Variants in CLMN observed in about 807,000 individuals in gnomAD.
CLMN encodes the protein calmin (calponin-like, transmembrane).
Under a neutral mutation model 92.7 loss-of-function variants are expected in CLMN, and 57 were observed. That is an observed-to-expected ratio of 0.61 (90% CI 0.50 to 0.77). CLMN has a LOEUF of 0.77. Ranked by LOEUF, CLMN falls within the 30% of genes least tolerant of loss-of-function variation. The probability of loss-of-function intolerance (pLI) is 0.00; values close to 1 mark genes in which losing one functional copy is unlikely to be tolerated. For synonymous variants in CLMN, 466 were observed against 470.6 expected (o/e 0.99, Z 0.13); for missense variants, 1,158 against 1,237.5 (o/e 0.94, Z 0.96).
At chr14:95,198,096 C>T (rs1487904731) in intron 9 of CLMN, among the ~76,000 whole-genome samples, 2 of 120,392 alleles carry the variant, frequency 1.7e-5, no homozygotes, top group Non-Finnish European at 3.2e-5. Flanking sequence ...GTCTCCTAGG[C>T]TGGAGTGCAG....
chr14:95,297,535 CT>C (rs1253235261), intron 1 of CLMN, among the ~76,000 whole-genome samples: 1 of 152,200 alleles, frequency 6.6e-6, no homozygotes, highest in African/African-American at 2.4e-5. Context: ...CTCCCAGCCC[CT>C]GACAACCACA....
intron 1 of CLMN, among the ~76,000 whole-genome samples, chr14:95,236,097 T>C (rs970258425): frequency 2.0e-5 from 3 of 152,228 alleles, no homozygotes; most frequent in Non-Finnish European, 2.9e-5. Flanking sequence ...CAATAACTTG[T>C]CTCTTCTGTA....
chr14:95,293,628 C>A (rs906441884), intron 1 of CLMN, among the ~76,000 whole-genome samples: 4 of 152,112 alleles, frequency 2.6e-5, no homozygotes, highest in Non-Finnish European at 4.4e-5. Flanking sequence ...CAGACCCCAG[C>A]ACTGGATAAG....
chr14:95,301,496 GAGGGATGCTGGCCTCCAGCC>G (rs72297327), intron 1 of CLMN, among the ~76,000 whole-genome samples: 41,968 of 152,124 alleles, frequency 0.28, 6,552 homozygotes, highest in East Asian at 0.55. Flanking sequence ...CTCACACATT[GAGGGATGCTGGCCTCCAGCC>G]AGCCTAGGCC....
intron 9 of CLMN, among the ~76,000 whole-genome samples, chr14:95,197,304 GAAGA>G (rs1161380264): frequency 6.7e-6 from 1 of 148,230 alleles, no homozygotes; most frequent in Non-Finnish European, 1.5e-5. Flanking sequence ...GGAGGAAGAA[GAAGA>G]AAGAAGAAAG....
At position 95,310,086 on chromosome 14, in the gene CLMN, G is replaced by A. The variant is rs898634610; in HGVS notation, c.82+9625C>T. ...CAAATCTCAGGTTGAAATGTGATCC[G>A]CAGTGCTGGAGGTGGGCCCTGTGCT... On this transcript the variant is annotated intron_variant, in intron 1 of 12. Coordinates refer to ENST00000298912, the MANE Select transcript of CLMN (RefSeq NM_024734.4). Among the ~76,000 whole-genome samples the A allele has an allele frequency of 1.1e-4, 17 of 152,076 alleles. 1 individual carries two copies. The highest frequency in any genetic ancestry group is 1.9e-4 in the East Asian group (1 of 5,188).
chr14:95,193,212 G>C (rs1896603275), intron 12 of CLMN: 2 of 712,646 alleles, frequency 2.8e-6, no homozygotes, highest in Admixed American at 2.4e-5. Context: ...TCTCAGAATT[G>C]TAAGAATTTG....
intron 1 of CLMN, among the ~76,000 whole-genome samples, chr14:95,291,916 A>G (rs1211713920): frequency 6.6e-6 from 1 of 152,260 alleles, no homozygotes; most frequent in African/African-American, 2.4e-5. Flanking sequence ...AAAGTGAAAA[A>G]AAATAGGATC....
chr14:95,274,225 C>T (rs1899832543), intron 1 of CLMN, among the ~76,000 whole-genome samples: 1 of 152,094 alleles, frequency 6.6e-6, no homozygotes, highest in African/African-American at 2.4e-5. Flanking sequence ...TCTCTGCGCA[C>T]CCAGATTCCC....
At position 95,182,097 on chromosome 14, in the gene CLMN, ATT is replaced by A. The variant is rs1460997618; in HGVS notation, c.*9465_*9466del. The A allele has an allele frequency of 2.0e-5, 3 of 152,250 alleles. No individual in the cohort carries two copies. The highest frequency in any genetic ancestry group is 4.8e-5 in the African/African-American group (2 of 41,462). 9.4% of individuals were successfully genotyped at this position (152,250 alleles called of 1,614,324 possible). A position where few individuals can be genotyped will look rare whatever the true frequency, so the allele number is the denominator to read the frequency against. On this transcript the variant is annotated 3_prime_UTR_variant, in exon 13 of 13. Coordinates refer to ENST00000298912, the MANE Select transcript of CLMN (RefSeq NM_024734.4). ...ACAGGTATAAATTATTCAAATAGCC[ATT>A]TATATCTTAATTTACAGTAATCAAT... is the stretch of plus-strand genomic sequence containing the variant.
chr14:95,240,598 A>C (rs1183625371), intron 1 of CLMN, among the ~76,000 whole-genome samples: 1 of 152,192 alleles, frequency 6.6e-6, no homozygotes, highest in African/African-American at 2.4e-5. Context: ...GTGAGAAATA[A>C]ATATTCACTG....
intron 2 of CLMN, among the ~76,000 whole-genome samples, chr14:95,227,674 G>A (rs1897755650): frequency 6.6e-6 from 1 of 152,238 alleles, no homozygotes; most frequent in Non-Finnish European, 1.5e-5. Context: ...GGCAGGGGGA[G>A]AAATTGAACC....
rs1896517540 is a variant in CLMN, at chr14:95,189,635, T to C, written c.*1929A>G. On this transcript the variant is annotated 3_prime_UTR_variant, in exon 13 of 13. Coordinates refer to ENST00000298912, the MANE Select transcript of CLMN (RefSeq NM_024734.4). ...TAAAATGAAATGATTCACATTTGGG[T>C]TGGCTCTTCCCAGGCTCTTCGAGCA... 1 of 152,264 alleles carries C rather than the reference T, an allele frequency of 6.6e-6. No homozygotes were observed. The highest frequency in any genetic ancestry group is 6.5e-5 in the Admixed American group (1 of 15,286). The allele number at this position is 152,264 out of a possible 1,614,324, so 9.4% of individuals were successfully genotyped here.
At chr14:95,273,003 TG>T (rs1899774758) in intron 1 of CLMN, among the ~76,000 whole-genome samples, 2 of 152,186 alleles carry the variant, frequency 1.3e-5, no homozygotes, top group African/African-American at 2.4e-5. Flanking sequence ...GTAGTGGTTG[TG>T]TGAGTCCTTA....
At chr14:95,245,209 T>A (rs55634993) in intron 1 of CLMN, among the ~76,000 whole-genome samples, 6,366 of 19,186 alleles carry the variant, frequency 0.33, 912 homozygotes, top group East Asian at 0.53. Context: ...ATATATATAT[T>A]ATATATATAT....
rs1026757195 is a variant in CLMN at position 95,191,647 on chromosome 14, C to G, written c.2926G>C (p.Asp976His). The G allele has an allele frequency of 6.2e-7, 1 of 1,613,666 alleles. No homozygotes were observed. ...DSLTQLVQQP[D>H]MMYFILFLWL... is the part of the protein sequence containing the mutation. The stretch of plus-strand genomic sequence containing the variant: ...AGGAAGAGAATAAAATACATCATAT[C>G]CGGCTGCTGGACAAGCTGTGTCAGG... The change falls in exon 13 of 13, where the codon GAT (aspartate) becomes CAT (histidine). Residue 976 changes from aspartate to histidine, a missense_variant. By Grantham distance (81) the Asp-to-His change is moderately conservative. Coordinates refer to ENST00000298912, the MANE Select transcript of CLMN (RefSeq NM_024734.4). This position sits in a 1 kb window ranked among gnomAD's most constrained non-coding sequence, Gnocchi z 5.3.
Position 95,284,290 on chromosome 14 carries a change from T to C in CLMN, c.82+35421A>G, listed in dbSNP as rs566587125. Among the ~76,000 whole-genome samples the C allele has an allele frequency of 2.6e-5, 4 of 152,300 alleles. No individual in the cohort carries two copies. The East Asian group carries it at 7.7e-4, about 29-fold the overall frequency. ...AATGCCTGGATGCGCAGGCAAAAGT[T>C]TGCTGCAGGGGCAGGGCCCTCATGG... On this transcript the variant is annotated intron_variant, in intron 1 of 12. Transcript: ENST00000298912.
intron 1 of CLMN, among the ~76,000 whole-genome samples, chr14:95,286,885 C>T (rs1274343691): frequency 6.6e-6 from 1 of 152,156 alleles, no homozygotes. Context: ...CCACGTGACC[C>T]CACAGAAAGT....
chr14:95,196,555 C>T lies in CLMN; in HGVS notation c.2651G>A (p.Ser884Asn), dbSNP rs1896717951. The stretch of plus-strand genomic sequence containing the variant: ...TTCTAGGTCATCTGAGGATTGAACA[C>T]TTCCTGGTGCTACAAATAGTGAACT... ...VESSLFVAPG[S>N]VQSSDDLEED... is the part of the protein sequence containing the mutation. Residue 884 changes from serine (S) to asparagine (N), a missense_variant, in exon 10 of 13, where the codon AGT becomes AAT. Physicochemically the swap from Ser to Asn is conservative, Grantham distance 46. Transcript: ENST00000298912. The T allele has an allele frequency of 6.2e-7, 1 of 1,614,222 alleles. No homozygotes were observed. Among genetic ancestry groups the T allele is most frequent in the Non-Finnish European group, 8.5e-7 (1 of 1,180,024 alleles).
Sources: allele counts gnomAD v4.1 joint callset (sites outside exome capture counted in the v4.1 genomes callset), GRCh38; gene constraint gnomAD v4.1.1; non-coding constraint Gnocchi (gnomAD v3.1); transcripts MANE v1.5; gene names NCBI Gene and HGNC (gene_info 2026-07-23, HGNC 2026-07-21).